Variants in IL1RAPL2 observed in about 807,000 individuals in gnomAD.
IL1RAPL2 encodes interleukin 1 receptor accessory protein like 2, also known as X-linked interleukin-1 receptor accessory protein-like 2.
In IL1RAPL2, 3 loss-of-function variants were observed where a neutral mutation model predicts 44.1. That is an observed-to-expected ratio of 0.07 (90% confidence interval 0.03 to 0.18). The LOEUF is 0.18. IL1RAPL2 is among the 10% of genes least tolerant of loss of function. The pLI, the probability that IL1RAPL2 is intolerant of heterozygous loss-of-function variation, is 1.00. For synonymous variants in IL1RAPL2, 181 were observed against 178.8 expected (o/e 1.01, Z -0.10); for missense variants, 391 against 496.4 (o/e 0.79, Z 2.02).
intron 2 of IL1RAPL2, among the ~76,000 whole-genome samples, chrX:105,013,088 T>G (rs772160910): frequency 1.8e-5 from 2 of 111,322 alleles, no homozygotes; most frequent in African/African-American, 3.3e-5. Flanking sequence ...ATTCTTATAT[T>G]TGCTTTACTT....
chrX:105,765,590 C>T (rs1196062887), intron 10 of IL1RAPL2, among the ~76,000 whole-genome samples: 1 of 112,454 alleles, frequency 8.9e-6, no homozygotes, highest in East Asian at 2.8e-4. Flanking sequence ...ACCCAAAGAA[C>T]AGTAACAACA....
chrX:105,604,124 C>T (rs1422858215), intron 6 of IL1RAPL2, among the ~76,000 whole-genome samples: 1 of 110,323 alleles, frequency 9.1e-6, no homozygotes, highest in East Asian at 2.8e-4. Context: ...ATAACAAACA[C>T]AATTCAAAAT....
chrX:105,045,771 C>T (rs764977815), intron 2 of IL1RAPL2, among the ~76,000 whole-genome samples: 1 of 110,763 alleles, frequency 9.0e-6, no homozygotes, highest in Non-Finnish European at 1.9e-5. Flanking sequence ...CTATGCTGCC[C>T]AGGCTAGTCT....
chrX:104,771,059 T>C (rs999472361), intron 2 of IL1RAPL2, among the ~76,000 whole-genome samples: 96 of 112,463 alleles, frequency 8.5e-4, no homozygotes, highest in African/African-American at 2.8e-3. Flanking sequence ...TGAGCTTCTT[T>C]TTAAAACCTA....
At chrX:105,106,825 G>A (rs1312103807) in intron 2 of IL1RAPL2, among the ~76,000 whole-genome samples, 2 of 111,543 alleles carry the variant, frequency 1.8e-5, no homozygotes, top group African/African-American at 6.5e-5. Flanking sequence ...TATTACATGG[G>A]GGAAAGATCA....
intron 2 of IL1RAPL2, among the ~76,000 whole-genome samples, chrX:104,862,922 C>CA (rs1269356581): frequency 9.0e-6 from 1 of 111,071 alleles, no homozygotes; most frequent in Non-Finnish European, 1.9e-5. Flanking sequence ...GAGGGAGTAT[C>CA]AGAGGACACT....
At chrX:105,562,131 G>A (rs1287741350) in intron 6 of IL1RAPL2, among the ~76,000 whole-genome samples, 1 of 111,261 alleles carries the variant, frequency 9.0e-6, no homozygotes, top group Admixed American at 9.6e-5. Context: ...TACTAAAATG[G>A]AACAGGCAAG....
At chrX:105,577,262 A>G (rs185832968) in intron 6 of IL1RAPL2, among the ~76,000 whole-genome samples, 21 of 111,709 alleles carry the variant, frequency 1.9e-4, no homozygotes, top group Admixed American at 3.8e-4. Flanking sequence ...AATTGCCAGT[A>G]AAAGCATTCC....
intron 2 of IL1RAPL2, among the ~76,000 whole-genome samples, chrX:105,044,834 T>C (rs2031816249): frequency 9.0e-6 from 1 of 111,195 alleles, no homozygotes; most frequent in South Asian, 3.8e-4. Flanking sequence ...TAGGCCCAGC[T>C]GAGGACAGCA....
At chrX:104,769,827 TA>T (rs1329637881) in intron 2 of IL1RAPL2, among the ~76,000 whole-genome samples, 2 of 111,836 alleles carry the variant, frequency 1.8e-5, no homozygotes, top group Non-Finnish European at 3.8e-5. Flanking sequence ...TAAGCCTTCT[TA>T]AAGGGCTGTC....
intron 2 of IL1RAPL2, among the ~76,000 whole-genome samples, chrX:104,868,967 C>A (rs189202809): frequency 9.0e-6 from 1 of 111,591 alleles, no homozygotes; most frequent in African/African-American, 3.2e-5. Context: ...TTTTTCTGAG[C>A]ATATGTTAAT....
rs141894797 is a variant in IL1RAPL2, at chrX:104,753,535, A to C, written c.82+94540A>C. Among the ~76,000 whole-genome samples the C allele has an allele frequency of 9.9e-5, 11 of 111,672 alleles. No individual in the cohort carries two copies. The East Asian group carries it at 3.1e-3, about 32-fold the overall frequency. On this transcript the variant is annotated intron_variant, in intron 2 of 10. Transcript: ENST00000372582. ...ACACCTCAGGATTCCTGAATAACTT[A>C]TGTACTAAAAATCAGAAGGCCAGAA...
chrX:104,625,258 A>G (rs919126912), intron 1 of IL1RAPL2, among the ~76,000 whole-genome samples: 1 of 111,192 alleles, frequency 9.0e-6, no homozygotes, highest in South Asian at 3.8e-4. Context: ...TACTTATTTA[A>G]ACAATTTCTT....
intron 2 of IL1RAPL2, among the ~76,000 whole-genome samples, chrX:105,063,940 G>A (rs1569372550): frequency 8.9e-6 from 1 of 111,998 alleles, no homozygotes; most frequent in South Asian, 3.7e-4. Flanking sequence ...GTGGGGATGG[G>A]GTGATACAAG....
At chrX:104,585,391 T>C (rs1602631638) in intron 1 of IL1RAPL2, among the ~76,000 whole-genome samples, 1 of 25,046 alleles carries the variant, frequency 4.0e-5, no homozygotes, top group Non-Finnish European at 5.5e-5. Context: ...ATATATTATA[T>C]ATAATATATA....
intron 2 of IL1RAPL2, among the ~76,000 whole-genome samples, chrX:105,037,257 C>T: frequency 9.0e-6 from 1 of 111,579 alleles, no homozygotes. Flanking sequence ...TATTACCTGA[C>T]AGAAGGCTAC....
chrX:104,835,231 C>A (rs1921708875), intron 2 of IL1RAPL2, among the ~76,000 whole-genome samples: 1 of 111,452 alleles, frequency 9.0e-6, no homozygotes, highest in Admixed American at 9.6e-5. Flanking sequence ...TCTCAAAAAC[C>A]TGTGTAATAA....
intron 1 of IL1RAPL2, among the ~76,000 whole-genome samples, chrX:104,603,204 C>T (rs1928923852): frequency 1.8e-5 from 2 of 111,218 alleles, no homozygotes; most frequent in South Asian, 3.8e-4. Flanking sequence ...GAGTGGACCT[C>T]CAGCAAACTC....
At chrX:105,588,250 T>C (rs2037143440) in intron 6 of IL1RAPL2, among the ~76,000 whole-genome samples, 1 of 111,619 alleles carries the variant, frequency 9.0e-6, no homozygotes, top group African/African-American at 3.3e-5. Context: ...GGAAACTGTG[T>C]AGAAAGTATA....
Sources: gnomAD v4.1 joint callset for allele counts (sites outside exome capture counted in the v4.1 genomes callset) on GRCh38, gnomAD v4.1.1 for gene constraint, MANE v1.5 for transcripts, NCBI Gene and HGNC (gene_info 2026-07-23, HGNC 2026-07-21) for gene names.